Variants in ADPRH observed in about 807,000 individuals in gnomAD.
ADPRH encodes ADP-ribose-L-arginine cleaving enzyme.
Under a neutral mutation model 28.8 loss-of-function variants are expected in ADPRH, and 27 were observed. That is an observed-to-expected ratio of 0.94 (90% CI 0.69 to 1.29). ADPRH has a LOEUF of 1.29. ADPRH is among the 50% of genes most tolerant of loss of function. ADPRH has a pLI of 0.00. For missense variants in ADPRH, 419 were observed against 444.8 expected (o/e 0.94, Z 0.52); for synonymous variants, 161 against 166.9 (o/e 0.96, Z 0.27).
rs1162188939 is a variant in ADPRH, at chr3:119,583,860, C to T, written c.298+1393C>T. On this transcript the variant is annotated intron_variant, in intron 3 of 4. Transcript: ENST00000357003. ...TGGCACGATCTCGGCTCACTGCAAC[C>T]TCTGCCTCCCAGGTTCAAGCGATTC... Among the ~76,000 whole-genome samples the T allele has an allele frequency of 3.9e-5, 6 of 152,120 alleles. No individual in the cohort carries two copies. The East Asian group carries it at 5.8e-4, about 15-fold the overall frequency.
intron 2 of ADPRH, among the ~76,000 whole-genome samples, chr3:119,581,671 G>A (rs2082405701): frequency 6.6e-6 from 1 of 152,232 alleles, no homozygotes; most frequent in East Asian, 1.9e-4. Context: ...ATGTGCAGGT[G>A]CTTTGTGAAC....
At position 119,582,403 on chromosome 3, in the gene ADPRH, A is replaced by G. The variant is rs2082415461; in HGVS notation, c.234A>G (p.Gln78=). 1 of 1,614,040 alleles carries G rather than the reference A, an allele frequency of 6.2e-7. No homozygotes were observed. The highest frequency in any genetic ancestry group is 8.5e-7 in the Non-Finnish European group (1 of 1,180,014). The change falls in exon 3 of 5, where the codon CAA becomes CAG. Residue 78 remains glutamine (Q), a synonymous_variant. Transcript: ENST00000357003. ...VEAGKAPKLT[Q]LYYLLAKHYQ... is the part of the protein sequence containing the mutation. Reference sequence around the variant, plus strand: ...CTGGGAAAGCCCCTAAGTTGACTCAACTGTATTACCTCCTTGCTAAGCATT... The same window carrying G: ...CTGGGAAAGCCCCTAAGTTGACTCAGCTGTATTACCTCCTTGCTAAGCATT...
intron 2 of ADPRH, 40 bp from the exon 3 acceptor site, chr3:119,582,094 C>A: frequency 1.2e-6 from 1 of 865,142 alleles, no homozygotes; most frequent in Non-Finnish European, 1.7e-6. Context: ...ATTCTTCTTG[C>A]TCCTCATCCT....
At chr3:119,581,863 T>C (rs944532859) in intron 2 of ADPRH, among the ~76,000 whole-genome samples, 3 of 152,150 alleles carry the variant, frequency 2.0e-5, no homozygotes, top group African/African-American at 7.2e-5. Context: ...TGGACCTATG[T>C]TGGGATCCCA....
In ADPRH at chr3:119,587,837, TA is replaced by T; in HGVS notation, c.1034del (p.Tyr345PhefsTer10). 6 of 1,612,364 alleles carry T rather than the reference TA, an allele frequency of 3.7e-6. No homozygotes were observed. Among genetic ancestry groups the T allele is most frequent in the Non-Finnish European group, 5.1e-6 (6 of 1,179,106 alleles). ...GCTGGAAGAGACAGCTAGGGCTTTATATTCTCTCGGGTCAAAAGAAGACACT... is the reference window on the plus strand; with the variant it reads ...GCTGGAAGAGACAGCTAGGGCTTTATTTCTCTCGGGTCAAAAGAAGACACT... The part of the protein sequence containing the change: ...NRLEETARAL[Y>X]SLGSKEDTVI... On this transcript the variant is annotated frameshift_variant, in exon 5 of 5. Transcript: ENST00000357003. LOFTEE classifies it high-confidence loss of function.
At chr3:119,583,752 A>C (rs2082428665) in intron 3 of ADPRH, among the ~76,000 whole-genome samples, 1 of 152,134 alleles carries the variant, frequency 6.6e-6, no homozygotes, top group Non-Finnish European at 1.5e-5. Context: ...TCTTTAAAAA[A>C]AATTTTTTTG....
At chr3:119,586,856 C>G (rs1373684051) in intron 4 of ADPRH, among the ~76,000 whole-genome samples, 1 of 152,210 alleles carries the variant, frequency 6.6e-6, no homozygotes, top group Non-Finnish European at 1.5e-5. Flanking sequence ...AATAGGGCAG[C>G]TGTGGTGTTT....
intron 3 of ADPRH, among the ~76,000 whole-genome samples, chr3:119,583,264 C>T (rs2082424736): frequency 6.6e-6 from 1 of 152,030 alleles, no homozygotes; most frequent in Non-Finnish European, 1.5e-5. Context: ...GAACCTAAAT[C>T]TCTCATAATT....
intron 4 of ADPRH, among the ~76,000 whole-genome samples, 167 bp from the exon 5 acceptor site, chr3:119,587,297 T>C (rs144794382): frequency 1.2e-4 from 18 of 152,358 alleles, no homozygotes; most frequent in Non-Finnish European, 1.2e-4. Context: ...ATTGAATGAA[T>C]GGTACTTATA....
chr3:119,581,403 C>T (rs558841457), intron 2 of ADPRH, among the ~76,000 whole-genome samples: 3 of 152,262 alleles, frequency 2.0e-5, no homozygotes, highest in East Asian at 1.9e-4. Context: ...TTCCTAACAA[C>T]AAATCCAGGA....
chr3:119,586,696 T>C, intron 4 of ADPRH, 51 bp downstream of exon 4: 1 of 1,594,576 alleles, frequency 6.3e-7, no homozygotes, highest in Non-Finnish European at 8.5e-7. Flanking sequence ...TCTGTGCGTG[T>C]ACATCCACCT....
In ADPRH at chr3:119,582,430, C is replaced by G; in HGVS notation, c.261C>G (p.Tyr87Ter). The change falls in exon 3 of 5, where the codon TAC (tyrosine) becomes TAG (stop). Residue 87 changes from tyrosine (Y) to a stop codon, truncating the protein, a stop_gained. Transcript: ENST00000357003. LOFTEE classifies it high-confidence loss of function. ...TGTATTACCTCCTTGCTAAGCATTA[C>G]CAAGACTGCATGGAAGACATGGATG... ...TQLYYLLAKHYQDCMEDMDGR... is the reference protein window; with the variant it reads ...TQLYYLLAKH 1.2e-6 allele frequency: 2 copies of G among 1,613,956 alleles called. No homozygotes were observed. Among genetic ancestry groups the G allele is most frequent in the Non-Finnish European group, 1.7e-6 (2 of 1,179,894 alleles).
intron 2 of ADPRH, among the ~76,000 whole-genome samples, chr3:119,581,033 C>A (rs1248464384): frequency 1.3e-5 from 2 of 150,188 alleles, no homozygotes; most frequent in African/African-American, 4.9e-5. Flanking sequence ...TGTCAAAAAT[C>A]AAGCTTACTA....
intron 2 of ADPRH, 53 bp from the exon 3 acceptor site, chr3:119,582,081 C>T: frequency 7.1e-4 from 387 of 548,494 alleles, no homozygotes; most frequent in Non-Finnish European, 1.0e-3. Context: ...GTTGTTTTTT[C>T]TGATTCTTCT....
At chr3:119,586,246 G>A (rs1272410102) in intron 3 of ADPRH, 39 bp from the exon 4 acceptor site, 1 of 1,605,840 alleles carries the variant, frequency 6.2e-7, no homozygotes, top group East Asian at 2.2e-5. Flanking sequence ...CTTTGCTTTG[G>A]TTATGCTAAC....
At position 119,589,588 on chromosome 3, in the gene ADPRH, G is replaced by A. The variant is rs908798286; in HGVS notation, c.*1710G>A. The A allele has an allele frequency of 6.6e-6, 1 of 152,154 alleles. No individual in the cohort carries two copies. Among genetic ancestry groups the A allele is most frequent in the African/African-American group, 2.4e-5 (1 of 41,422 alleles). 9.4% of individuals were successfully genotyped at this position (152,154 alleles called of 1,614,324 possible). ...TGTGCCCCAGGGGGTCGGGGGTAGG[G>A]GATGCAGGGAGGATCTTAGCATTTG... On this transcript the variant is annotated 3_prime_UTR_variant, in exon 5 of 5. Coordinates refer to ENST00000357003, the MANE Select transcript of ADPRH (RefSeq NM_001125.4).
intron 4 of ADPRH, among the ~76,000 whole-genome samples, chr3:119,587,016 T>C (rs1432793830): frequency 6.6e-6 from 1 of 152,252 alleles, no homozygotes; most frequent in East Asian, 1.9e-4. Context: ...ATTCCAGAGA[T>C]ACGTTTTTCC....
Position 119,587,825 on chromosome 3 carries a change from G to C in ADPRH, c.1021G>C (p.Ala341Pro). ...ATACAGAAACCGGCTGGAAGAGACA[G>C]CTAGGGCTTTATATTCTCTCGGGTC... ...LEYRNRLEET[A>P]RALYSLGSKE... is the part of the protein sequence containing the mutation. The change falls in exon 5 of 5, where the codon GCT (alanine) becomes CCT (proline). Residue 341 changes from alanine to proline, a missense_variant. Coordinates refer to ENST00000357003, the MANE Select transcript of ADPRH (RefSeq NM_001125.4). The C allele has an allele frequency of 1.2e-6, 2 of 1,613,574 alleles. No homozygotes were observed. The highest frequency in any genetic ancestry group is 2.2e-5 in the South Asian group (2 of 90,968).
At chr3:119,585,664 C>T (rs1040425779) in intron 3 of ADPRH, among the ~76,000 whole-genome samples, 7 of 152,246 alleles carry the variant, frequency 4.6e-5, no homozygotes, top group African/African-American at 1.4e-4. Context: ...ATTCTCCTGC[C>T]TCAGCCTTCC....
Sources: allele counts gnomAD v4.1 joint callset (sites outside exome capture counted in the v4.1 genomes callset), GRCh38; gene constraint gnomAD v4.1.1; transcripts MANE v1.5; gene names NCBI Gene and HGNC (gene_info 2026-07-23, HGNC 2026-07-21).